The following ADSL variants were observed in gnomAD, a reference collection of about 807,000 sequenced individuals.
The protein encoded by ADSL is adenylosuccinase.
In ADSL, 44 loss-of-function variants were observed where a neutral mutation model predicts 62.1. That is an observed-to-expected ratio of 0.71 (90% CI 0.56 to 0.91). ADSL has a LOEUF of 0.91. Among genes scored for constraint, ADSL ranks in the 40% least tolerant of loss-of-function variants. The pLI is 0.00. For synonymous variants in ADSL, 198 were observed against 220.5 expected, an observed-to-expected ratio of 0.90 and a Z score of 0.90; for missense variants, 531 against 627.4, an observed-to-expected ratio of 0.85 and a Z score of 1.64.
downstream of ADSL, among the ~76,000 whole-genome samples, chr22:40,369,946 T>A (rs2045153105): frequency 6.6e-6 from 1 of 152,148 alleles, no homozygotes; most frequent in African/African-American, 2.4e-5. Context: ...GCACGAGGGT[T>A]AGGAGTCCCT....
chr22:40,351,843 C>CG (rs1160970935), intron 2 of ADSL: 1 of 151,878 alleles, frequency 6.6e-6, no homozygotes, highest in East Asian at 2.0e-4. Flanking sequence ...TTAGTAGAGA[C>CG]GGGGTTTCAC....
At chr22:40,348,551 TTG>T (rs143817043) in intron 1 of ADSL, 190 of 398,552 alleles carry the variant, frequency 4.8e-4, no homozygotes, top group African/African-American at 3.6e-3. Context: ...CGGCAAATTT[TTG>T]TGTTGTTTTG....
intron 2 of ADSL, 61 bp from the exon 3 acceptor site, chr22:40,353,012 A>G: frequency 6.8e-7 from 1 of 1,464,906 alleles, no homozygotes; most frequent in Non-Finnish European, 9.6e-7. Context: ...AAAAAGTGTT[A>G]TGTAATAATA....
Position 40,368,603 on chromosome 22 carries a change from A to G in ADSL, c.*2081A>G, listed in dbSNP as rs1052383869. 6 of 152,322 alleles carry G rather than the reference A, an allele frequency of 3.9e-5. No homozygotes were observed. The highest frequency in any genetic ancestry group is 1.2e-4 in the African/African-American group (5 of 41,578). 9.4% of individuals were successfully genotyped at this position (152,322 alleles called of 1,614,324 possible). ...ATAGAGCCATTTGCTCAACTTCCAG[A>G]AAGAGTTACTCTGTTCATCTCTAAA... On this transcript the variant is annotated 3_prime_UTR_variant, in exon 13 of 13. Coordinates refer to ENST00000623063, the MANE Select transcript of ADSL (RefSeq NM_000026.4).
intron 4 of ADSL, among the ~76,000 whole-genome samples, chr22:40,358,263 G>T (rs1033225474): frequency 3.3e-5 from 5 of 152,098 alleles, no homozygotes; most frequent in Admixed American, 6.6e-5. Context: ...ATGAACAAAA[G>T]GGACATTGTC....
chr22:40,356,157 G>T (rs1422239100), intron 4 of ADSL, among the ~76,000 whole-genome samples: 1 of 150,860 alleles, frequency 6.6e-6, no homozygotes, highest in African/African-American at 2.4e-5. Context: ...AGCCAAGATT[G>T]CACCATTGCA....
chr22:40,383,253 G>T (rs1245118110), intron 2 of ADSL, among the ~76,000 whole-genome samples: 1 of 151,978 alleles, frequency 6.6e-6, no homozygotes. Context: ...AGATCACGAG[G>T]TCAGGAGATC....
intron 9 of ADSL, 150 bp downstream of exon 9, chr22:40,361,785 C>G: frequency 2.0e-6 from 2 of 1,012,908 alleles, no homozygotes; most frequent in Non-Finnish European, 3.0e-6. Flanking sequence ...ATAAAAAGGA[C>G]AGTGTGATAA....
intron 2 of ADSL, among the ~76,000 whole-genome samples, chr22:40,379,122 T>C (rs2047138448): frequency 6.6e-6 from 1 of 152,236 alleles, no homozygotes; most frequent in East Asian, 1.9e-4. Context: ...TGGTCTCTTA[T>C]TAATTTTTTA....
chr22:40,383,996 C>G (rs951413172), intron 2 of ADSL, among the ~76,000 whole-genome samples: 2 of 152,164 alleles, frequency 1.3e-5, no homozygotes, highest in Admixed American at 6.5e-5. Flanking sequence ...TGCCTGTAAT[C>G]CTAACACTTT....
chr22:40,372,287 C>T (rs2045730141), downstream of ADSL, among the ~76,000 whole-genome samples: 2 of 151,932 alleles, frequency 1.3e-5, no homozygotes, highest in African/African-American at 4.8e-5. Context: ...CCACCACACC[C>T]GGATAATTTT....
At chr22:40,386,726 G>GT (rs2048525645) in intron 2 of ADSL, among the ~76,000 whole-genome samples, 1 of 151,654 alleles carries the variant, frequency 6.6e-6, no homozygotes, top group Non-Finnish European at 1.5e-5. Flanking sequence ...CTGGCCCCTA[G>GT]TTTCTTTTTT....
At chr22:40,362,847 G>A (rs910564060) in intron 9 of ADSL, 134 bp from the exon 10 acceptor site, 10 of 895,068 alleles carry the variant, frequency 1.1e-5, no homozygotes, top group South Asian at 4.0e-5. Context: ...GGGTCGTGAG[G>A]TTATTGGGGT....
chr22:40,363,138 G>A lies in ADSL; in HGVS notation c.1101+67G>A, dbSNP rs993325343. The A allele has an allele frequency of 3.4e-6, 5 of 1,469,256 alleles. No individual in the cohort carries two copies. In the Admixed American group the frequency reaches 8.4e-5, roughly 25 times the overall value. The allele number at this position is 1,469,256 out of a possible 1,614,324, so 91.0% of individuals were successfully genotyped here. ...TAGAATGTGGGAGGGAGGGTGCTCT[G>A]GGGTGTGTTGAGGGAGCTGTATTCT... On this transcript the variant is annotated intron_variant, in intron 10 of 12. Transcript: ENST00000623063.
At chr22:40,352,991 C>A in intron 2 of ADSL, 82 bp from the exon 3 acceptor site, 2 of 1,240,686 alleles carry the variant, frequency 1.6e-6, no homozygotes, top group Non-Finnish European at 2.4e-6. Context: ...AGCAACCCAG[C>A]CTTTCTGGCC....
rs1323806738 is a variant in ADSL at position 40,367,483 on chromosome 22, A to G, written c.*961A>G. On this transcript the variant is annotated 3_prime_UTR_variant, in exon 13 of 13. Transcript: ENST00000623063. ...CTTGTTTACAGTGTAAGCAAGTGCC[A>G]TTGGACAAGAACGTTGTCTGTGTCA... The G allele has an allele frequency of 6.0e-6, 1 of 167,774 alleles. No homozygotes were observed. Among genetic ancestry groups the G allele is most frequent in the African/African-American group, 2.4e-5 (1 of 41,468 alleles). The allele number at this position is 167,774 out of a possible 1,614,324, so 10.4% of individuals were successfully genotyped here.
downstream of ADSL, chr22:40,370,625 CTG>C (rs1031990969): frequency 2.6e-5 from 4 of 152,514 alleles, no homozygotes; most frequent in African/African-American, 9.6e-5. Flanking sequence ...TGAGCGCTGA[CTG>C]GGTGCGAGTG....
At chr22:40,360,340 C>T (rs1048130972) in intron 6 of ADSL, 62 bp from the exon 7 acceptor site, 1 of 1,401,054 alleles carries the variant, frequency 7.1e-7, no homozygotes, top group Non-Finnish European at 1.0e-6. Context: ...GGACTACAGT[C>T]ATGCACCACT....
At chr22:40,380,191 G>T (rs183595631) in intron 2 of ADSL, among the ~76,000 whole-genome samples, 1 of 152,090 alleles carries the variant, frequency 6.6e-6, no homozygotes, top group Non-Finnish European at 1.5e-5. Context: ...AAATGTTCTT[G>T]TATGACTATT....
Sources: allele counts gnomAD v4.1 joint callset (sites outside exome capture counted in the v4.1 genomes callset), GRCh38; gene constraint gnomAD v4.1.1; transcripts MANE v1.5; gene names NCBI Gene and HGNC (gene_info 2026-07-23, HGNC 2026-07-21).